The following DPH1 variants were observed in gnomAD, a reference collection of about 807,000 sequenced individuals.
DPH1 encodes the protein 2-(3-amino-3-carboxypropyl)histidine synthase subunit 1.
A neutral mutation model predicts 55.3 loss-of-function variants in DPH1; 59 were observed. That is an observed-to-expected ratio of 1.07 (90% CI 0.87 to 1.33). The LOEUF (loss-of-function observed/expected upper bound fraction) is 1.33. DPH1 is among the 40% of genes most tolerant of loss of function. The pLI, the probability that DPH1 is intolerant of heterozygous loss-of-function variation, is 0.00. For missense variants in DPH1, 628 were observed against 584.8 expected (o/e 1.07, Z -0.76); for synonymous variants, 238 against 235.5 (o/e 1.01, Z -0.10).
Position 2,043,295 on chromosome 17 carries a change from G to T in DPH1, c.*709G>T. ...GTACTGAAGAAAAGGGGAGCACAAG[G>T]CCTTAATGGACATTGACTTGTGAAA... On this transcript the variant is annotated 3_prime_UTR_variant, in exon 13 of 13. Coordinates refer to ENST00000263083, the MANE Select transcript of DPH1 (RefSeq NM_001383.6). The T allele has an allele frequency of 1.5e-6, 1 of 659,856 alleles. No individual in the cohort carries two copies. The highest frequency in any genetic ancestry group is 2.5e-6 in the Non-Finnish European group (1 of 402,502). The allele number at this position is 659,856 out of a possible 1,614,324, so 40.9% of individuals were successfully genotyped here.
At chr17:2,031,838 T>G (rs572490862) in intron 1 of DPH1, among the ~76,000 whole-genome samples, 4 of 152,188 alleles carry the variant, frequency 2.6e-5, no homozygotes, top group Non-Finnish European at 5.9e-5. Context: ...TGCTAAGGGC[T>G]ACGGTTTCCC....
At chr17:2,037,855 A>G (rs2067449762) in intron 6 of DPH1, among the ~76,000 whole-genome samples, 1 of 152,158 alleles carries the variant, frequency 6.6e-6, no homozygotes, top group East Asian at 1.9e-4. Flanking sequence ...TAGCTGTTTA[A>G]TACTAGGCGA....
intron 9 of DPH1, 52 bp from the exon 10 acceptor site, chr17:2,041,051 C>T: frequency 7.1e-6 from 11 of 1,541,250 alleles, no homozygotes; most frequent in Non-Finnish European, 9.7e-6. Context: ...CAGCATGCTG[C>T]CTGGGCGACG....
At chr17:2,037,154 C>A in intron 6 of DPH1, 198 bp downstream of exon 6, 1 of 727,510 alleles carries the variant, frequency 1.4e-6, no homozygotes, top group Non-Finnish European at 2.1e-6. Flanking sequence ...AGTCCATCAT[C>A]CAGAAGGCTG....
chr17:2,038,527 C>T (rs1482660205), intron 6 of DPH1, among the ~76,000 whole-genome samples: 2 of 152,174 alleles, frequency 1.3e-5, no homozygotes, highest in Non-Finnish European at 2.9e-5. Context: ...ACCACCTGAG[C>T]TCCGCCTCCT....
chr17:2,036,696 A>G lies in DPH1; in HGVS notation c.558+10A>G. The stretch of plus-strand genomic sequence containing the variant: ...TGTGTCGACCTTGCAGGTGGGTGGA[A>G]CGAGGATCCTCGGCCTCCTGCAGGG... On this transcript the variant is annotated intron_variant, in intron 5 of 12. Coordinates refer to ENST00000263083, the MANE Select transcript of DPH1 (RefSeq NM_001383.6). This position sits in a 1 kb window ranked among gnomAD's most constrained non-coding sequence, Gnocchi z 4.8. 1 of 1,613,798 alleles carries G rather than the reference A, an allele frequency of 6.2e-7. No homozygotes were observed.
At position 2,042,688 on chromosome 17, in the gene DPH1, G is replaced by A. The variant is rs944824870; in HGVS notation, c.*102G>A. 5 of 1,529,990 alleles carry A rather than the reference G, an allele frequency of 3.3e-6. No homozygotes were observed. In the African/African-American group the frequency reaches 5.6e-5, roughly 17 times the overall value. 94.8% of individuals were successfully genotyped at this position (1,529,990 alleles called of 1,614,324 possible). A position where few individuals can be genotyped will look rare whatever the true frequency, so the allele number is the denominator to read the frequency against. ...CGTTTTCTCCGCATTGGAAGAGCCC[G>A]CCGTCTGCAGGGGCCTGGAGGAATC... On this transcript the variant is annotated 3_prime_UTR_variant, in exon 13 of 13. Transcript: ENST00000263083.
rs1387177690 is a variant in DPH1 at position 2,042,883 on chromosome 17, G to A, written c.*297G>A. The A allele has an allele frequency of 1.2e-6, 2 of 1,614,158 alleles. No homozygotes were observed. The highest frequency in any genetic ancestry group is 1.7e-6 in the Non-Finnish European group (2 of 1,180,034). ...CTTGGTGTCTGGTTTCTGTCCCCGG[G>A]GCATTGGGTTCAAGGAATCCATCCT... On this transcript the variant is annotated 3_prime_UTR_variant, in exon 13 of 13. Coordinates refer to ENST00000263083, the MANE Select transcript of DPH1 (RefSeq NM_001383.6).
rs3752963 is a variant in DPH1, at chr17:2,036,209, G to T, written c.400+118G>T. 0.053 allele frequency: 77,630 copies of T among 1,473,926 alleles called. 6,325 individuals carry two copies. The highest frequency in any genetic ancestry group is 0.47 in the East Asian group (19,303 of 40,794). 91.3% of individuals were successfully genotyped at this position (1,473,926 alleles called of 1,614,324 possible). On this transcript the variant is annotated intron_variant, in intron 4 of 12. Transcript: ENST00000263083. The surrounding 1 kb of genome is among the most constrained non-coding windows in gnomAD (Gnocchi z 4.8). The stretch of plus-strand genomic sequence containing the variant: ...GCTTGGAGACACAAGGTCCCTCCTG[G>T]TTTCTGGGGTGGCCTCTGCCTTCCC...
At chr17:2,032,086 C>T (rs997702474) in intron 1 of DPH1, among the ~76,000 whole-genome samples, 2 of 152,164 alleles carry the variant, frequency 1.3e-5, no homozygotes, top group African/African-American at 2.4e-5. Flanking sequence ...AAAGAACGAA[C>T]AGTGTGGCCA....
Position 2,043,328 on chromosome 17 carries a change from C to T in DPH1, c.*742C>T. 1 of 561,972 alleles carries T rather than the reference C, an allele frequency of 1.8e-6. No homozygotes were observed. Among genetic ancestry groups the T allele is most frequent in the Non-Finnish European group, 3.0e-6 (1 of 327,910 alleles). The allele number at this position is 561,972 out of a possible 1,614,324, so 34.8% of individuals were successfully genotyped here. ...GGACATTGACTTGTGAAAACGCAAA[C>T]ATGAATATGGTTGGAGAGCCCTGGA... is the stretch of plus-strand genomic sequence containing the variant. On this transcript the variant is annotated 3_prime_UTR_variant, in exon 13 of 13. Coordinates refer to ENST00000263083, the MANE Select transcript of DPH1 (RefSeq NM_001383.6).
chr17:2,036,046 G>A lies in DPH1; in HGVS notation c.355G>A (p.Ala119Thr), dbSNP rs372069295. 3.3e-5 allele frequency: 54 copies of A among 1,613,846 alleles called. 1 individual carries two copies. The highest frequency in any genetic ancestry group is 1.6e-4 in the Middle Eastern group (1 of 6,080). Residue 119 changes from alanine (A) to threonine (T), a missense_variant, in exon 4 of 13, where the codon GCC (alanine) becomes ACC (threonine). Transcript: ENST00000263083. This position sits in a 1 kb window ranked among gnomAD's most constrained non-coding sequence, Gnocchi z 4.8. ...CTGTGTGGATGACTTCACAGCGAGG[G>A]CCCTGGGAGCTGACTTCTTGGTGCA... ...ACCVDDFTAR[A>T]LGADFLVHYG...
At chr17:2,042,266 T>A in intron 12 of DPH1, 2 of 1,403,858 alleles carry the variant, frequency 1.4e-6, no homozygotes. Context: ...CGCACTCAGT[T>A]TCCTCCATCT....
Position 2,042,583 on chromosome 17 carries a change from C to T in DPH1, c.*19-22C>T. On this transcript the variant is annotated intron_variant, in intron 12 of 12. Coordinates refer to ENST00000263083, the MANE Select transcript of DPH1 (RefSeq NM_001383.6). Reference sequence around the variant, plus strand: ...GAGCCTCCCATGCCCTAATCCCATCCTTTTTCCTCATATCGCTGTAGGGTC... The same window carrying T: ...GAGCCTCCCATGCCCTAATCCCATCTTTTTTCCTCATATCGCTGTAGGGTC... The T allele has an allele frequency of 2.0e-6, 3 of 1,507,856 alleles. No homozygotes were observed. In the South Asian group the frequency reaches 4.2e-5, roughly 21 times the overall value. 93.4% of individuals were successfully genotyped at this position (1,507,856 alleles called of 1,614,324 possible).
Position 2,043,328 on chromosome 17 carries a change from C to A in DPH1, c.*742C>A. On this transcript the variant is annotated 3_prime_UTR_variant, in exon 13 of 13. Coordinates refer to ENST00000263083, the MANE Select transcript of DPH1 (RefSeq NM_001383.6). ...GGACATTGACTTGTGAAAACGCAAA[C>A]ATGAATATGGTTGGAGAGCCCTGGA... is the stretch of plus-strand genomic sequence containing the variant. 1.8e-6 allele frequency: 1 copy of A among 561,972 alleles called. No individual in the cohort carries two copies. Among genetic ancestry groups the A allele is most frequent in the East Asian group, 3.0e-5 (1 of 33,582 alleles). 34.8% of individuals were successfully genotyped at this position (561,972 alleles called of 1,614,324 possible).
intron 6 of DPH1, among the ~76,000 whole-genome samples, chr17:2,037,746 G>T (rs1009409743): frequency 6.6e-6 from 1 of 152,218 alleles, no homozygotes; most frequent in Non-Finnish European, 1.5e-5. Flanking sequence ...TATCTTCCAC[G>T]CTCTGTAATC....
rs903164 is a variant in DPH1, at chr17:2,036,208, G to A, written c.400+117G>A. The A allele has an allele frequency of 0.41, 601,522 of 1,481,590 alleles. 122,992 individuals carry two copies. The highest frequency in any genetic ancestry group is 0.47 in the Admixed American group (20,985 of 45,062). 91.8% of individuals were successfully genotyped at this position (1,481,590 alleles called of 1,614,324 possible). On this transcript the variant is annotated intron_variant, in intron 4 of 12. Coordinates refer to ENST00000263083, the MANE Select transcript of DPH1 (RefSeq NM_001383.6). The surrounding 1 kb of genome is among the most constrained non-coding windows in gnomAD (Gnocchi z 4.8). Reference sequence around the variant, plus strand: ...TGCTTGGAGACACAAGGTCCCTCCTGGTTTCTGGGGTGGCCTCTGCCTTCC... The same window carrying A: ...TGCTTGGAGACACAAGGTCCCTCCTAGTTTCTGGGGTGGCCTCTGCCTTCC...
At chr17:2,042,473 C>T (rs1460697405) in intron 12 of DPH1, 132 bp from the exon 13 acceptor site, 2 of 1,363,844 alleles carry the variant, frequency 1.5e-6, no homozygotes, top group East Asian at 2.5e-5. Flanking sequence ...TCCCCCCTCT[C>T]ATTTCCCCCA....
Position 2,036,898 on chromosome 17 carries a change from C to T in DPH1, c.622C>T (p.Pro208Ser), listed in dbSNP as rs373361726. ...VSVPQCKPLS[P>S]GEILGCTSPR... is the part of the protein sequence containing the mutation. ...TGTCCCACAGTGCAAGCCCCTGTCCCCTGGAGAGATCCTGGGCTGCACATC... is the reference window on the plus strand; with the variant it reads ...TGTCCCACAGTGCAAGCCCCTGTCCTCTGGAGAGATCCTGGGCTGCACATC... The change falls in exon 6 of 13, where the codon CCT (proline) becomes TCT (serine). Residue 208 changes from proline (P) to serine (S), a missense_variant. Physicochemically the swap from Pro to Ser is moderately conservative, Grantham distance 74. Coordinates refer to ENST00000263083, the MANE Select transcript of DPH1 (RefSeq NM_001383.6). This position sits in a 1 kb window ranked among gnomAD's most constrained non-coding sequence, Gnocchi z 4.8. The T allele has an allele frequency of 6.2e-7, 1 of 1,613,724 alleles. No homozygotes were observed. The highest frequency in any genetic ancestry group is 1.3e-5 in the African/African-American group (1 of 74,896).
Sources: gnomAD v4.1 joint callset for allele counts (sites outside exome capture counted in the v4.1 genomes callset) on GRCh38, gnomAD v4.1.1 for gene constraint, Gnocchi (gnomAD v3.1) non-coding constraint, MANE v1.5 for transcripts, NCBI Gene and HGNC (gene_info 2026-07-23, HGNC 2026-07-21) for gene names.